The following RBFOX1 variants were observed in gnomAD, a reference collection of about 807,000 sequenced individuals.
The protein encoded by RBFOX1 is RNA binding fox-1 homolog 1.
In RBFOX1, 8 loss-of-function variants were observed where a neutral mutation model predicts 57.7. The ratio of observed to expected loss-of-function variants is 0.14; its 90% confidence interval spans 0.08 to 0.25. RBFOX1 has a LOEUF of 0.25. Ranked by LOEUF, RBFOX1 falls within the 10% of genes least tolerant of loss-of-function variation. The pLI, the probability that RBFOX1 is intolerant of heterozygous loss-of-function variation, is 1.00. For missense variants in RBFOX1, 611 were observed against 548.5 expected (o/e 1.11, Z -1.14); for synonymous variants, 326 against 222.4 (o/e 1.47, Z -4.15).
At chr16:5,657,920 C>T (rs1038990468) in intron 3 of RBFOX1, among the ~76,000 whole-genome samples, 3 of 151,724 alleles carry the variant, frequency 2.0e-5, no homozygotes, top group Non-Finnish European at 2.9e-5. Context: ...TTAGTAGAGA[C>T]GAGGTTTCGC....
chr16:7,259,951 C>T (rs1019206488), intron 4 of RBFOX1, among the ~76,000 whole-genome samples: 2 of 152,154 alleles, frequency 1.3e-5, no homozygotes, highest in East Asian at 1.9e-4. Flanking sequence ...TATCCCTCCC[C>T]TCCCTGATTT....
chr16:7,250,933 G>A (rs79586211), intron 4 of RBFOX1, among the ~76,000 whole-genome samples: 2,679 of 152,182 alleles, frequency 0.018, 63 homozygotes, highest in African/African-American at 0.06. Flanking sequence ...ACAACATGAC[G>A]TTTTGAAATA....
intron 2 of RBFOX1, among the ~76,000 whole-genome samples, chr16:6,555,464 C>T (rs557580073): frequency 8.5e-5 from 13 of 152,216 alleles, no homozygotes; most frequent in East Asian, 1.9e-4. Flanking sequence ...CTTTGGGAGG[C>T]GGAGACAGGC....
chr16:6,854,354 A>G (rs539924198), intron 3 of RBFOX1, among the ~76,000 whole-genome samples: 1 of 152,226 alleles, frequency 6.6e-6, no homozygotes, highest in Admixed American at 6.5e-5. Context: ...TATGAAGAGG[A>G]AAGGGCTTAA....
At chr16:5,807,521 T>C (rs571455073) in intron 3 of RBFOX1, among the ~76,000 whole-genome samples, 9 of 152,286 alleles carry the variant, frequency 5.9e-5, no homozygotes, top group Middle Eastern at 3.4e-3. Flanking sequence ...AGGAAATCAA[T>C]TGGATGCAAA....
intron 4 of RBFOX1, among the ~76,000 whole-genome samples, chr16:7,150,808 A>G (rs528379556): frequency 3.3e-5 from 5 of 152,214 alleles, no homozygotes; most frequent in Admixed American, 1.3e-4. Context: ...TACTCAATCT[A>G]TTGATGCTTG....
chr16:6,620,259 T>C (rs2098209127), intron 2 of RBFOX1, among the ~76,000 whole-genome samples: 2 of 152,112 alleles, frequency 1.3e-5, no homozygotes, highest in Admixed American at 1.3e-4. Flanking sequence ...GGGTCAATAA[T>C]GAAATTAAGG....
intron 3 of RBFOX1, among the ~76,000 whole-genome samples, chr16:6,739,534 C>T (rs1042488580): frequency 7.0e-6 from 1 of 143,150 alleles, no homozygotes; most frequent in Non-Finnish European, 1.5e-5. Context: ...GAGAATTCTA[C>T]CCATATTTTT....
chr16:5,264,665 A>G (rs1175357201), intron 1 of RBFOX1, among the ~76,000 whole-genome samples: 43 of 152,094 alleles, frequency 2.8e-4, no homozygotes, highest in Admixed American at 2.7e-3. Context: ...GTCTTCATGC[A>G]TTGCCCTGTG....
At chr16:6,085,539 G>A (rs1165815707) in intron 1 of RBFOX1, among the ~76,000 whole-genome samples, 1 of 152,204 alleles carries the variant, frequency 6.6e-6, no homozygotes, top group Non-Finnish European at 1.5e-5. Flanking sequence ...CCGGTGTTGG[G>A]ATTACAGGCG....
chr16:6,954,423 T>A (rs1486873278), intron 3 of RBFOX1, among the ~76,000 whole-genome samples: 1 of 152,102 alleles, frequency 6.6e-6, no homozygotes, highest in African/African-American at 2.4e-5. Flanking sequence ...ATGATTGGCA[T>A]TTTTAAAATT....
At position 5,946,977 on chromosome 16, in the gene RBFOX1, A is replaced by G. The variant is rs1050289280; in HGVS notation, c.351+79642A>G. Among the ~76,000 whole-genome samples the G allele has an allele frequency of 2.0e-5, 3 of 152,160 alleles. No homozygotes were observed. The highest frequency in any genetic ancestry group is 2.1e-4 in the South Asian group (1 of 4,828). On this transcript the variant is annotated intron_variant, in intron 4 of 19. Coordinates refer to the RBFOX1 transcript ENST00000641259. The surrounding 1 kb of genome is among the most constrained non-coding windows in gnomAD (Gnocchi z 4.6). Reference sequence around the variant, plus strand: ...CCGTAATCCTAGCACTTAGGGAGGCAGAAGTAGGAGGATTGCTTGAGGCCA... The same window carrying G: ...CCGTAATCCTAGCACTTAGGGAGGCGGAAGTAGGAGGATTGCTTGAGGCCA...
intron 2 of RBFOX1, among the ~76,000 whole-genome samples, chr16:6,368,817 GAAGGTTAA>G (rs1302943483): frequency 3.3e-5 from 5 of 152,184 alleles, no homozygotes; most frequent in African/African-American, 7.2e-5. Flanking sequence ...CATGGCTTGT[GAAGGTTAA>G]AAGAAAAACC....
At position 7,078,690 on chromosome 16, in the gene RBFOX1, T is replaced by A. The variant is rs1207269020; in HGVS notation, c.27+26592T>A. 1.1e-3 allele frequency among the ~76,000 whole-genome samples: 155 copies of A among 141,350 alleles called. 1 individual carries two copies. The highest frequency in any genetic ancestry group is 1.6e-3 in the African/African-American group (57 of 36,684). The allele number at this position is 141,350 out of a possible 152,430, so 92.7% of individuals were successfully genotyped here. ...TTATCTTATTTTATTTATTTTATTT[T>A]ATTTTTTTTTGAGACAGGCTCTCGC... On this transcript the variant is annotated intron_variant, in intron 4 of 15. Coordinates refer to ENST00000550418, the MANE Select transcript of RBFOX1 (RefSeq NM_018723.4).
At chr16:6,747,508 CTTG>C (rs1415455951) in intron 3 of RBFOX1, among the ~76,000 whole-genome samples, 2 of 152,050 alleles carry the variant, frequency 1.3e-5, no homozygotes, top group African/African-American at 2.4e-5. Flanking sequence ...TACTGGTTTA[CTTG>C]TTGTCACCTG....
chr16:6,985,848 CAG>C (rs1491516674), intron 3 of RBFOX1, among the ~76,000 whole-genome samples: 5 of 45,716 alleles, frequency 1.1e-4, no homozygotes, highest in South Asian at 1.3e-3. Context: ...AAAAAAAAAA[CAG>C]AATTTTTTTT....
intron 4 of RBFOX1, among the ~76,000 whole-genome samples, chr16:7,290,088 A>T (rs1352281086): frequency 6.6e-6 from 1 of 152,224 alleles, no homozygotes; most frequent in South Asian, 2.1e-4. Flanking sequence ...ACCTACGTAC[A>T]TTTACACCGG....
intron 4 of RBFOX1, among the ~76,000 whole-genome samples, chr16:6,001,630 G>C (rs2060601655): frequency 6.6e-6 from 1 of 152,138 alleles, no homozygotes; most frequent in African/African-American, 2.4e-5. Context: ...TAGTGCTTAT[G>C]TATTTGCTTA....
chr16:7,666,434 A>G (rs1007074708), intron 13 of RBFOX1, among the ~76,000 whole-genome samples: 1 of 152,132 alleles, frequency 6.6e-6, no homozygotes, highest in East Asian at 1.9e-4. Flanking sequence ...AAAGTATTTC[A>G]CAATCATTTA....
Sources: gnomAD v4.1 joint callset for allele counts (sites outside exome capture counted in the v4.1 genomes callset) on GRCh38, gnomAD v4.1.1 for gene constraint, Gnocchi (gnomAD v3.1) non-coding constraint, MANE v1.5 for transcripts, NCBI Gene and HGNC (gene_info 2026-07-23, HGNC 2026-07-21) for gene names.